The following TANC2 variants were observed in gnomAD, a reference collection of about 807,000 sequenced individuals.
The protein encoded by TANC2 is protein TANC2.
A neutral mutation model predicts 210.5 loss-of-function variants in TANC2; 26 were observed. That is an observed-to-expected ratio of 0.12 (90% CI 0.09 to 0.17). TANC2 has a LOEUF of 0.17. Ranked by LOEUF, TANC2 falls within the 10% of genes least tolerant of loss-of-function variation. The pLI, the probability that TANC2 is intolerant of heterozygous loss-of-function variation, is 1.00. For missense variants in TANC2, 2,129 were observed against 2,608.9 expected, an observed-to-expected ratio of 0.82 and a Z score of 4.01; for synonymous variants, 931 against 967.1, an observed-to-expected ratio of 0.96 and a Z score of 0.69.
chr17:63,006,895 G>A (rs1173337807), intron 1 of TANC2, among the ~76,000 whole-genome samples: 1 of 151,876 alleles, frequency 6.6e-6, no homozygotes, highest in Non-Finnish European at 1.5e-5. Flanking sequence ...TGTTTTAAAT[G>A]TTTTCAGGCT....
chr17:63,205,362 A>AAAAAAAAAC (rs2041672656), intron 7 of TANC2, among the ~76,000 whole-genome samples: 1 of 147,568 alleles, frequency 6.8e-6, no homozygotes, highest in Non-Finnish European at 1.5e-5. Context: ...AAAAAAAAAA[A>AAAAAAAAAC]AAAAAAAAAA....
intron 8 of TANC2, among the ~76,000 whole-genome samples, chr17:63,247,243 T>A (rs1246348342): frequency 2.6e-5 from 4 of 152,130 alleles, no homozygotes; most frequent in African/African-American, 7.2e-5. Flanking sequence ...CTTACTGGTA[T>A]ATTAGGAAAT....
At chr17:63,372,340 C>A (rs529067792) in intron 14 of TANC2, among the ~76,000 whole-genome samples, 1 of 152,148 alleles carries the variant, frequency 6.6e-6, no homozygotes, top group Non-Finnish European at 1.5e-5. Context: ...GTGGACTTCT[C>A]TTCTGGCTGC....
At chr17:63,002,945 T>C (rs2033454860) in intron 1 of TANC2, among the ~76,000 whole-genome samples, 1 of 152,210 alleles carries the variant, frequency 6.6e-6, no homozygotes, top group Non-Finnish European at 1.5e-5. Flanking sequence ...TGTACTAGTC[T>C]TTTCATTATG....
chr17:63,365,462 G>A (rs957109538), intron 14 of TANC2, among the ~76,000 whole-genome samples: 7 of 151,974 alleles, frequency 4.6e-5, no homozygotes, highest in East Asian at 1.9e-4. Context: ...TGCCCTCTTC[G>A]AGTCCATTCT....
At position 63,319,095 on chromosome 17, in the gene TANC2, AAT is replaced by A. The variant is rs755999392; in HGVS notation, c.1575+8_1575+9del. 4.3e-6 allele frequency: 7 copies of A among 1,610,166 alleles called. No homozygotes were observed. The South Asian group carries it at 7.7e-5, about 18-fold the overall frequency. On this transcript the variant is annotated splice_donor_region_variant and intron_variant, in intron 11 of 27. Coordinates refer to ENST00000689528, the Ensembl canonical transcript of TANC2. The stretch of plus-strand genomic sequence containing the variant: ...ATGCGAAGACTAGCCTCGCAGGTAC[AAT>A]ATGATTCCCACGTTGGGGATATGGT...
intron 5 of TANC2, among the ~76,000 whole-genome samples, chr17:63,192,779 T>A (rs2041227492): frequency 6.6e-6 from 1 of 152,248 alleles, no homozygotes; most frequent in African/African-American, 2.4e-5. Flanking sequence ...GTGTTTACAC[T>A]AGTGACTTGT....
chr17:63,138,904 C>T (rs921312669), intron 4 of TANC2, among the ~76,000 whole-genome samples: 1 of 152,230 alleles, frequency 6.6e-6, no homozygotes, highest in Non-Finnish European at 1.5e-5. Context: ...AGATTCTTCA[C>T]AGATTACACG....
At position 63,123,343 on chromosome 17, in the gene TANC2, G is replaced by A. The variant is rs181270510; in HGVS notation, c.322+23986G>A. On this transcript the variant is annotated intron_variant, in intron 4 of 27. Transcript: ENST00000689528. ...GAGGCTGAGGCGGGCGGATCACAAG[G>A]TCAGGAGATCAAGACCATACTGGCT... 2.9e-3 allele frequency among the ~76,000 whole-genome samples: 438 copies of A among 152,068 alleles called. 3 individuals carry two copies. Among genetic ancestry groups the A allele is most frequent in the African/African-American group, 0.01 (415 of 41,490 alleles).
At chr17:63,113,964 A>T (rs1466869359) in intron 4 of TANC2, among the ~76,000 whole-genome samples, 4 of 152,196 alleles carry the variant, frequency 2.6e-5, no homozygotes, top group Non-Finnish European at 5.9e-5. Context: ...CTGATTTCTG[A>T]AAACGATTTT....
intron 6 of TANC2, among the ~76,000 whole-genome samples, chr17:63,198,667 A>G (rs1270271735): frequency 3.3e-5 from 5 of 152,150 alleles, no homozygotes; most frequent in Admixed American, 6.5e-5. Flanking sequence ...GTGGGGGCTC[A>G]GTATCTGTCA....
At chr17:63,287,825 C>T (rs1270504728) in intron 9 of TANC2, among the ~76,000 whole-genome samples, 1 of 152,020 alleles carries the variant, frequency 6.6e-6, no homozygotes, top group African/African-American at 2.4e-5. Context: ...CAGGTGAGCA[C>T]CACCATGCCT....
chr17:63,268,869 T>C (rs1194330377), intron 9 of TANC2, among the ~76,000 whole-genome samples: 1 of 152,216 alleles, frequency 6.6e-6, no homozygotes, highest in Non-Finnish European at 1.5e-5. Context: ...TCTCGTTTGC[T>C]CAAAATGAAC....
At chr17:63,324,384 G>A (rs1309042316) in intron 11 of TANC2, among the ~76,000 whole-genome samples, 1 of 152,124 alleles carries the variant, frequency 6.6e-6, no homozygotes, top group Non-Finnish European at 1.5e-5. Flanking sequence ...AATTGTTGCA[G>A]TCACTATTAA....
At chr17:63,244,791 T>TG (rs1173864802) in intron 8 of TANC2, among the ~76,000 whole-genome samples, 10 of 152,190 alleles carry the variant, frequency 6.6e-5, no homozygotes, top group African/African-American at 2.4e-4. Flanking sequence ...CCAAGTGTTG[T>TG]GGGAGGGACC....
rs941288778 is a variant in TANC2, at chr17:63,418,857, T to C, written c.4268+450T>C. Among the ~76,000 whole-genome samples, 2 of 152,160 alleles carry C rather than the reference T, an allele frequency of 1.3e-5. No individual in the cohort carries two copies. The highest frequency in any genetic ancestry group is 2.4e-5 in the African/African-American group (1 of 41,444). ...TTGAGGAATCCCGGATTAGTTAGTC[T>C]TCCCTCTGGGGCTCTCCTCAAGTCT... On this transcript the variant is annotated intron_variant, in intron 27 of 27. Coordinates refer to ENST00000689528, the Ensembl canonical transcript of TANC2. This position sits in a 1 kb window ranked among gnomAD's most constrained non-coding sequence, Gnocchi z 4.6.
chr17:63,239,426 A>C (rs993422937), intron 8 of TANC2, among the ~76,000 whole-genome samples: 2 of 152,142 alleles, frequency 1.3e-5, no homozygotes, highest in African/African-American at 4.8e-5. Flanking sequence ...AGATTATCTC[A>C]CTGATAATTA....
intron 2 of TANC2, among the ~76,000 whole-genome samples, chr17:63,036,733 A>G (rs1319334104): frequency 6.6e-6 from 1 of 152,118 alleles, no homozygotes; most frequent in African/African-American, 2.4e-5. Flanking sequence ...CTTTTAGTAC[A>G]TGAACATGTT....
At chr17:63,364,372 T>C (rs1397429522) in intron 14 of TANC2, among the ~76,000 whole-genome samples, 1 of 152,028 alleles carries the variant, frequency 6.6e-6, no homozygotes, top group Non-Finnish European at 1.5e-5. Flanking sequence ...GTTTTCCAAA[T>C]CCAAAATGAA....
Sources: allele counts gnomAD v4.1 joint callset (sites outside exome capture counted in the v4.1 genomes callset), GRCh38; gene constraint gnomAD v4.1.1; non-coding constraint Gnocchi (gnomAD v3.1); transcripts MANE v1.5; gene names NCBI Gene and HGNC (gene_info 2026-07-23, HGNC 2026-07-21).